The following GABRB1 variants were observed in gnomAD, a reference collection of about 807,000 sequenced individuals.
GABRB1 encodes gamma-aminobutyric acid receptor subunit beta-1.
A neutral mutation model predicts 51.6 loss-of-function variants in GABRB1; 17 were observed. That is an observed-to-expected ratio of 0.33 (90% CI 0.23 to 0.49). The LOEUF (loss-of-function observed/expected upper bound fraction) is 0.49. GABRB1 is among the 20% of genes least tolerant of loss of function. The probability of loss-of-function intolerance (pLI) is 0.99; values close to 1 mark genes in which losing one functional copy is unlikely to be tolerated. For missense variants in GABRB1, 410 were observed against 600.6 expected (o/e 0.68, Z 3.32); for synonymous variants, 247 against 218.9 (o/e 1.13, Z -1.14).
At chr4:47,088,317 A>G (rs1283369463) in intron 3 of GABRB1, among the ~76,000 whole-genome samples, 1 of 152,230 alleles carries the variant, frequency 6.6e-6, no homozygotes, top group Non-Finnish European at 1.5e-5. Flanking sequence ...AATAATGCAC[A>G]TAGGAGACTG....
intron 3 of GABRB1, among the ~76,000 whole-genome samples, chr4:47,046,939 G>A (rs1034383168): frequency 6.6e-5 from 10 of 151,970 alleles, no homozygotes; most frequent in African/African-American, 1.9e-4. Context: ...CCAGCTAAAC[G>A]ATGAAATACA....
chr4:47,012,156 A>G (rs1156556362), intron 1 of GABRB1, among the ~76,000 whole-genome samples: 1 of 152,158 alleles, frequency 6.6e-6, no homozygotes, highest in Non-Finnish European at 1.5e-5. Context: ...ACCATGTAAC[A>G]TTATTTTTTG....
intron 4 of GABRB1, among the ~76,000 whole-genome samples, chr4:47,169,626 C>T (rs1283165688): frequency 6.6e-6 from 1 of 152,030 alleles, no homozygotes; most frequent in African/African-American, 2.4e-5. Context: ...CTCAGCCTCC[C>T]GAGTAGCTGG....
chr4:47,058,099 T>C (rs1577868672), intron 3 of GABRB1, among the ~76,000 whole-genome samples: 1 of 152,162 alleles, frequency 6.6e-6, no homozygotes, highest in African/African-American at 2.4e-5. Flanking sequence ...GAGAGGCAGG[T>C]GATTCATTCA....
intron 3 of GABRB1, among the ~76,000 whole-genome samples, chr4:47,092,892 T>C (rs1307202377): frequency 6.6e-6 from 1 of 152,160 alleles, no homozygotes. Flanking sequence ...GGATTACAGG[T>C]GTGAGCCACT....
At chr4:47,350,206 T>G (rs867788651) in intron 5 of GABRB1, among the ~76,000 whole-genome samples, 1,658 of 93,230 alleles carry the variant, frequency 0.018, 15 homozygotes, top group Non-Finnish European at 0.023. Context: ...TATATATATA[T>G]ATATATATAT....
chr4:47,342,465 G>A (rs1286022007), intron 5 of GABRB1, among the ~76,000 whole-genome samples: 1 of 152,056 alleles, frequency 6.6e-6, no homozygotes. Flanking sequence ...GAAAACTATG[G>A]ATAGAAAAAT....
chr4:47,120,753 T>C (rs1457295599), intron 3 of GABRB1, among the ~76,000 whole-genome samples: 1 of 152,156 alleles, frequency 6.6e-6, no homozygotes. Context: ...TGACCAATTG[T>C]GTCTAGAGAT....
intron 5 of GABRB1, among the ~76,000 whole-genome samples, chr4:47,334,141 G>A (rs1725603967): frequency 6.6e-6 from 1 of 152,176 alleles, no homozygotes; most frequent in Non-Finnish European, 1.5e-5. Context: ...GGGCCTGAGA[G>A]TCTGTATTTC....
At chr4:47,386,269 A>G (rs1727791888) in intron 5 of GABRB1, among the ~76,000 whole-genome samples, 2 of 152,144 alleles carry the variant, frequency 1.3e-5, no homozygotes, top group Admixed American at 1.3e-4. Context: ...AAATTCCAAG[A>G]TATTTAAGAG....
chr4:47,390,899 C>A (rs545655627), intron 5 of GABRB1, among the ~76,000 whole-genome samples: 7 of 152,080 alleles, frequency 4.6e-5, no homozygotes, highest in Admixed American at 1.3e-4. Flanking sequence ...GTAAGCTGGC[C>A]GGGCACGGTG....
intron 4 of GABRB1, among the ~76,000 whole-genome samples, chr4:47,171,020 G>T (rs878957842): frequency 1.3e-5 from 2 of 152,000 alleles, no homozygotes; most frequent in Admixed American, 6.6e-5. Flanking sequence ...ATGATATTAC[G>T]ATATCTTTTT....
At chr4:47,112,754 A>T (rs1322628918) in intron 3 of GABRB1, among the ~76,000 whole-genome samples, 1 of 72,756 alleles carries the variant, frequency 1.4e-5, no homozygotes, top group East Asian at 2.4e-4. Flanking sequence ...ACAGTGAAAT[A>T]AAAAAAAAAA....
chr4:47,230,546 C>A (rs1721105374), intron 4 of GABRB1, among the ~76,000 whole-genome samples: 4 of 152,114 alleles, frequency 2.6e-5, no homozygotes, highest in Middle Eastern at 3.4e-3. Context: ...CAGTTCTGAT[C>A]TAAGCAGAGT....
intron 4 of GABRB1, among the ~76,000 whole-genome samples, chr4:47,191,772 C>T (rs1719449118): frequency 6.6e-6 from 1 of 151,960 alleles, no homozygotes; most frequent in Non-Finnish European, 1.5e-5. Context: ...TATATTTTAG[C>T]ATTTCTGTGT....
intron 3 of GABRB1, among the ~76,000 whole-genome samples, chr4:47,126,764 T>G (rs970521797): frequency 6.6e-6 from 1 of 151,980 alleles, no homozygotes; most frequent in African/African-American, 2.4e-5. Context: ...GGTACACAAA[T>G]AGGTAAGAAA....
rs948849047 is a variant in GABRB1, at chr4:47,408,045, T to C, written c.1080+1119T>C. Among the ~76,000 whole-genome samples, 3 of 152,180 alleles carry C rather than the reference T, an allele frequency of 2.0e-5. No homozygotes were observed. In the East Asian group the frequency reaches 5.8e-4, roughly 29 times the overall value. On this transcript the variant is annotated intron_variant, in intron 8 of 8. Transcript: ENST00000295454. ...AGGCAAAGGTTGCAGTGAGCAGAGA[T>C]TGCGCCACTGCACCCCAGTCTGGGT...
intron 4 of GABRB1, among the ~76,000 whole-genome samples, chr4:47,209,730 T>C (rs1319775087): frequency 6.6e-6 from 1 of 151,838 alleles, no homozygotes; most frequent in Non-Finnish European, 1.5e-5. Context: ...AATACATCAA[T>C]GTATGAATGG....
At chr4:47,420,469 C>T (rs1729058320) in intron 8 of GABRB1, among the ~76,000 whole-genome samples, 1 of 152,148 alleles carries the variant, frequency 6.6e-6, no homozygotes, top group African/African-American at 2.4e-5. Context: ...CTGGTCTATA[C>T]CTGCCTTAGA....
Sources: allele counts gnomAD v4.1 joint callset (sites outside exome capture counted in the v4.1 genomes callset), GRCh38; gene constraint gnomAD v4.1.1; transcripts MANE v1.5; gene names NCBI Gene and HGNC (gene_info 2026-07-23, HGNC 2026-07-21).